Variants in SYT2 observed in about 807,000 individuals in gnomAD.
SYT2 encodes the protein synaptotagmin 2.
A neutral mutation model predicts 39.9 loss-of-function variants in SYT2; 15 were observed. The observed-to-expected ratio is 0.38, with a 90% CI of 0.25 to 0.58. SYT2 has a LOEUF of 0.58. Among genes scored for constraint, SYT2 ranks in the 20% least tolerant of loss-of-function variants. The pLI is 0.70. For missense variants in SYT2, 389 were observed against 530.3 expected, an observed-to-expected ratio of 0.73 and a Z score of 2.62; for synonymous variants, 181 against 204.5, an observed-to-expected ratio of 0.89 and a Z score of 0.98.
chr1:202,671,417 T>A (rs1473085831), intron 1 of SYT2, among the ~76,000 whole-genome samples: 1 of 152,150 alleles, frequency 6.6e-6, no homozygotes, highest in Non-Finnish European at 1.5e-5. Context: ...GCCGTCAAGA[T>A]CGACCCTCCC....
At chr1:202,658,953 C>T (rs1314605215) in intron 1 of SYT2, among the ~76,000 whole-genome samples, 9 of 152,190 alleles carry the variant, frequency 5.9e-5, no homozygotes, top group Non-Finnish European at 8.8e-5. Flanking sequence ...TGGAGAGCTT[C>T]TCAATTTCCC....
At chr1:202,686,811 AG>A (rs1233403001) in intron 1 of SYT2, among the ~76,000 whole-genome samples, 2 of 152,104 alleles carry the variant, frequency 1.3e-5, no homozygotes, top group Non-Finnish European at 2.9e-5. Flanking sequence ...AGCTCTTCAA[AG>A]CCCACCAAAG....
chr1:202,661,803 C>G (rs1318452580), intron 1 of SYT2, among the ~76,000 whole-genome samples: 1 of 152,254 alleles, frequency 6.6e-6, no homozygotes, highest in Non-Finnish European at 1.5e-5. Context: ...AGTGGGGTAA[C>G]TGAGGCTCAG....
chr1:202,626,036 T>C (rs1486676772), intron 1 of SYT2, among the ~76,000 whole-genome samples: 12 of 152,102 alleles, frequency 7.9e-5, no homozygotes, highest in Non-Finnish European at 1.8e-4. Flanking sequence ...TATGCAAACA[T>C]TGTGTGCAGG....
chr1:202,684,921 G>T (rs182146254), intron 1 of SYT2, among the ~76,000 whole-genome samples: 1 of 152,186 alleles, frequency 6.6e-6, no homozygotes, highest in African/African-American at 2.4e-5. Flanking sequence ...GACACAGCAG[G>T]GGGGATGACA....
chr1:202,671,680 T>C (rs1246384136), intron 1 of SYT2, among the ~76,000 whole-genome samples: 1 of 152,218 alleles, frequency 6.6e-6, no homozygotes, highest in African/African-American at 2.4e-5. Context: ...GGCAGGCCTT[T>C]GATAAACTAC....
chr1:202,699,551 G>A (rs1295635489), intron 1 of SYT2, among the ~76,000 whole-genome samples: 3 of 152,130 alleles, frequency 2.0e-5, no homozygotes, highest in African/African-American at 7.2e-5. Context: ...ACCTTTCTGG[G>A]ACTATTTTTC....
intron 1 of SYT2, among the ~76,000 whole-genome samples, chr1:202,676,633 CAAT>C (rs1031246930): frequency 6.6e-6 from 1 of 152,160 alleles, no homozygotes; most frequent in African/African-American, 2.4e-5. Context: ...ATTTTGGCTT[CAAT>C]AATAGAAGGC....
intron 1 of SYT2, among the ~76,000 whole-genome samples, chr1:202,681,164 C>A (rs1465514541): frequency 6.6e-6 from 1 of 152,088 alleles, no homozygotes; most frequent in East Asian, 1.9e-4. Flanking sequence ...CCAGCCACAG[C>A]CAAGCCATAA....
chr1:202,616,987 A>C (rs183049626), intron 1 of SYT2, among the ~76,000 whole-genome samples: 17 of 152,352 alleles, frequency 1.1e-4, no homozygotes, highest in Non-Finnish European at 2.4e-4. Flanking sequence ...CATAAAATGC[A>C]AAGCCAGTCA....
At position 202,614,542 on chromosome 1, in the gene SYT2, A is replaced by G. The variant is rs977297072; in HGVS notation, c.-17-8753T>C. On this transcript the variant is annotated intron_variant, in intron 1 of 8. Coordinates refer to ENST00000367268, the MANE Select transcript of SYT2 (RefSeq NM_177402.5). This position sits in a 1 kb window ranked among gnomAD's most constrained non-coding sequence, Gnocchi z 4.0. Reference sequence around the variant, plus strand: ...TCATGGAATTTACCATGCACTTCACATAAGTGCATATAAAATTGTAATTAT... The same window carrying G: ...TCATGGAATTTACCATGCACTTCACGTAAGTGCATATAAAATTGTAATTAT... 1.9e-4 allele frequency among the ~76,000 whole-genome samples: 29 copies of G among 152,254 alleles called. No individual in the cohort carries two copies. The highest frequency in any genetic ancestry group is 7.0e-4 in the African/African-American group (29 of 41,468).
At chr1:202,629,582 T>G (rs1691514047) in intron 1 of SYT2, among the ~76,000 whole-genome samples, 1 of 152,190 alleles carries the variant, frequency 6.6e-6, no homozygotes, top group Admixed American at 6.5e-5. Context: ...GAGGTGAGGT[T>G]GCCCAGACTC....
intron 1 of SYT2, among the ~76,000 whole-genome samples, chr1:202,704,224 G>A (rs1042032653): frequency 2.6e-5 from 4 of 152,192 alleles, no homozygotes; most frequent in African/African-American, 9.7e-5. Context: ...CTGTCACTCT[G>A]CACCAGCCAC....
At chr1:202,673,993 A>G (rs907861450) in intron 1 of SYT2, among the ~76,000 whole-genome samples, 12 of 152,152 alleles carry the variant, frequency 7.9e-5, no homozygotes, top group African/African-American at 2.9e-4. Context: ...TGTGTAATAC[A>G]TGAAGGTCTA....
intron 1 of SYT2, among the ~76,000 whole-genome samples, chr1:202,674,346 C>A (rs1312904854): frequency 6.6e-6 from 1 of 152,148 alleles, no homozygotes; most frequent in Non-Finnish European, 1.5e-5. Context: ...AGTTAATCCG[C>A]CCACCTCAGC....
intron 1 of SYT2, among the ~76,000 whole-genome samples, chr1:202,691,732 GGAGAGAGA>G (rs1164044356): frequency 1.2e-4 from 1 of 8,324 alleles, no homozygotes; most frequent in African/African-American, 4.4e-4. Flanking sequence ...GGAGAGGGGG[GGAGAGAGA>G]GAGAGAGAGA....
chr1:202,698,581 T>C (rs981501220), intron 1 of SYT2, among the ~76,000 whole-genome samples: 4 of 152,086 alleles, frequency 2.6e-5, no homozygotes, highest in Non-Finnish European at 5.9e-5. Context: ...GAGTGCTAAA[T>C]GGTAACTACA....
chr1:202,660,621 TA>T (rs1434610211), intron 1 of SYT2, among the ~76,000 whole-genome samples: 1 of 152,204 alleles, frequency 6.6e-6, no homozygotes, highest in Non-Finnish European at 1.5e-5. Flanking sequence ...GGACCATCTT[TA>T]TTTTTTTATT....
At chr1:202,631,199 A>G (rs1007083458) in intron 1 of SYT2, among the ~76,000 whole-genome samples, 1 of 152,094 alleles carries the variant, frequency 6.6e-6, no homozygotes, top group African/African-American at 2.4e-5. Flanking sequence ...CTGCCTACCA[A>G]AGCCAGCATG....
Sources: allele counts gnomAD v4.1 joint callset (sites outside exome capture counted in the v4.1 genomes callset), GRCh38; gene constraint gnomAD v4.1.1; non-coding constraint Gnocchi (gnomAD v3.1); transcripts MANE v1.5; gene names NCBI Gene and HGNC (gene_info 2026-07-23, HGNC 2026-07-21).